Variants in PCDHGA7 observed in about 807,000 individuals in gnomAD.
PCDHGA7 encodes the protein protocadherin gamma subfamily A, 7.
A neutral mutation model predicts 58.3 loss-of-function variants in PCDHGA7; 44 were observed. The observed-to-expected ratio is 0.75, with a 90% CI of 0.59 to 0.97. PCDHGA7 has a LOEUF of 0.97. PCDHGA7 is among the 50% of genes least tolerant of loss of function. PCDHGA7 has a pLI of 0.00. For synonymous variants in PCDHGA7, 516 were observed against 504.2 expected, an observed-to-expected ratio of 1.02 and a Z score of -0.31; for missense variants, 1,266 against 1,188.7, an observed-to-expected ratio of 1.06 and a Z score of -0.96.
At position 141,490,960 on chromosome 5, in the gene PCDHGA7, T is replaced by G. The variant is rs1384140919; in HGVS notation, c.2425-3847T>G. 1.9e-6 allele frequency: 3 copies of G among 1,613,794 alleles called. No individual in the cohort carries two copies. In the Admixed American group the frequency reaches 5.0e-5, roughly 27 times the overall value. On this transcript the variant is annotated intron_variant, in intron 1 of 3. Transcript: ENST00000518325. The surrounding 1 kb of genome is among the most constrained non-coding windows in gnomAD (Gnocchi z 5.4). ...GCACCCACGGCCAGACTGGGAACAC[T>G]CAGCCCCCCAGCGTCTCCCTCGCTC...
intron 1 of PCDHGA7, chr5:141,423,833 T>G: frequency 1.8e-5 from 23 of 1,262,362 alleles, no homozygotes; most frequent in East Asian, 7.3e-5. Flanking sequence ...TTCATGAGAT[T>G]ACGATAATCT....
intron 1 of PCDHGA7, chr5:141,428,109 G>A: frequency 1.2e-6 from 2 of 1,607,850 alleles, no homozygotes; most frequent in Non-Finnish European, 1.7e-6. Context: ...CGTGCTGCAG[G>A]CCATCGAGCC....
chr5:141,413,900 AC>A, intron 1 of PCDHGA7: 1 of 1,613,126 alleles, frequency 6.2e-7, no homozygotes. Flanking sequence ...GCAAATGACA[AC>A]GCGCCGGTCT....
chr5:141,505,363 T>A, intron 2 of PCDHGA7, 30 bp from the exon 3 acceptor site: 1 of 1,613,360 alleles, frequency 6.2e-7, no homozygotes, highest in Non-Finnish European at 8.5e-7. Context: ...GGCCTGGGAG[T>A]CTGTGCTCAC....
chr5:141,410,849 C>CTTTTTTTTTGTTTTTTTT (rs2095433801), intron 1 of PCDHGA7: 1 of 129,786 alleles, frequency 7.7e-6, no homozygotes, highest in African/African-American at 6.0e-5. Context: ...TTGTCTTTGT[C>CTTTTTTTTTGTTTTTTTT]TTTTTTTTTT....
At chr5:141,467,348 C>T (rs1182432500) in intron 1 of PCDHGA7, among the ~76,000 whole-genome samples, 5 of 152,142 alleles carry the variant, frequency 3.3e-5, no homozygotes, top group African/African-American at 9.7e-5. Context: ...CCACTGCCCC[C>T]GGCCAAATCA....
intron 1 of PCDHGA7, chr5:141,387,787 A>C (rs2091094069): frequency 6.1e-6 from 9 of 1,479,268 alleles, no homozygotes; most frequent in Non-Finnish European, 1.8e-6. Context: ...CTGGAACTGC[A>C]ACTAAAGTCC....
Position 141,432,084 on chromosome 5 carries a change from TG to T in PCDHGA7, c.2424+46763del. 6.2e-7 allele frequency: 1 copy of T among 1,614,186 alleles called. No homozygotes were observed. Among genetic ancestry groups the T allele is most frequent in the Non-Finnish European group, 8.5e-7 (1 of 1,180,034 alleles). ...ACGGAAACTCATATCTCGCTGAACG[TG>T]GCAGACACCAACGACAACCCGCCGG... On this transcript the variant is annotated intron_variant, in intron 1 of 3. Transcript: ENST00000518325. The surrounding 1 kb of genome is among the most constrained non-coding windows in gnomAD (Gnocchi z 6.0).
chr5:141,497,497 C>T (rs1318882060), intron 2 of PCDHGA7, among the ~76,000 whole-genome samples: 1 of 151,714 alleles, frequency 6.6e-6, no homozygotes, highest in Non-Finnish European at 1.5e-5. Context: ...TCTCTCTCTC[C>T]TCTCTCTGCT....
At chr5:141,393,980 T>C (rs745601350) in intron 1 of PCDHGA7, 132 of 1,613,686 alleles carry the variant, frequency 8.2e-5, no homozygotes, top group Admixed American at 6.7e-5. Context: ...CACGTGATAA[T>C]TTACCTTTTA....
rs1356654620 is a variant in PCDHGA7 at position 141,490,430 on chromosome 5, TTAA to T, written c.2425-4376_2425-4374del. On this transcript the variant is annotated intron_variant, in intron 1 of 3. Coordinates refer to ENST00000518325, the MANE Select transcript of PCDHGA7 (RefSeq NM_018920.4). The surrounding 1 kb of genome is among the most constrained non-coding windows in gnomAD (Gnocchi z 5.4). ...ATCTCTCCGGACCTGCCATTTCAGA[TTAA>T]GCCTTCTGAGAACCACTACTCGCTG... 1 of 1,614,162 alleles carries T rather than the reference TTAA, an allele frequency of 6.2e-7. No individual in the cohort carries two copies.
rs1259468425 is a variant in PCDHGA7, at chr5:141,382,962, G to T, written c.63G>T (p.Gly21=). ...RGFFLLSILL[G]TPWEAWAGRI... ...TCTTCCTGCTCTCCATCCTCCTGGGGACCCCCTGGGAAGCCTGGGCAGGAC... is the reference window on the plus strand; with the variant it reads ...TCTTCCTGCTCTCCATCCTCCTGGGTACCCCCTGGGAAGCCTGGGCAGGAC... Residue 21 remains glycine, a synonymous_variant, in exon 1 of 4, where the codon GGG becomes GGT. Transcript: ENST00000518325. 1.2e-6 allele frequency: 2 copies of T among 1,607,858 alleles called. No homozygotes were observed. Among genetic ancestry groups the T allele is most frequent in the Non-Finnish European group, 1.7e-6 (2 of 1,175,752 alleles).
rs775775135 is a variant in PCDHGA7 at position 141,400,234 on chromosome 5, G to GTTGCCTTGCGCCTCC, written c.2424+14912_2424+14913insTGCCTTGCGCCTCCT. The GTTGCCTTGCGCCTCC allele has an allele frequency of 3.1e-6, 5 of 1,613,868 alleles. No homozygotes were observed. In the East Asian group the frequency reaches 1.1e-4, roughly 36 times the overall value. On this transcript the variant is annotated intron_variant, in intron 1 of 3. Transcript: ENST00000518325. ...GATCTCAGTGCTCTTCCTCCTGGCC[G>GTTGCCTTGCGCCTCC]TGATTCTGGCCGTTGCCTTGCGCCT...
chr5:141,401,350 A>G (rs1046893336), intron 1 of PCDHGA7, among the ~76,000 whole-genome samples: 2 of 152,226 alleles, frequency 1.3e-5, no homozygotes, highest in Non-Finnish European at 2.9e-5. Flanking sequence ...CTCAAAAAAA[A>G]GGAAGGAGAA....
At position 141,425,713 on chromosome 5, in the gene PCDHGA7, C is replaced by T. The variant is rs191037499; in HGVS notation, c.2424+40390C>T. 3.9e-4 allele frequency among the ~76,000 whole-genome samples: 60 copies of T among 152,312 alleles called. No homozygotes were observed. In the East Asian group the frequency reaches 6.7e-3, roughly 17 times the overall value. On this transcript the variant is annotated intron_variant, in intron 1 of 3. Transcript: ENST00000518325. ...CATTTCATAGTGGTCAAAATTTTCC[C>T]ATACCACTTGATGGGGATGTTTTCC...
At position 141,413,553 on chromosome 5, in the gene PCDHGA7, A is replaced by G; in HGVS notation, c.2424+28230A>G. On this transcript the variant is annotated intron_variant, in intron 1 of 3. Coordinates refer to ENST00000518325, the MANE Select transcript of PCDHGA7 (RefSeq NM_018920.4). ...TGAAACTTTTTGGGATAGAAATAGA[A>G]GTAACTGATATCAATGACAATGCTC... The G allele has an allele frequency of 6.2e-7, 1 of 1,613,938 alleles. No individual in the cohort carries two copies. Among genetic ancestry groups the G allele is most frequent in the Non-Finnish European group, 8.5e-7 (1 of 1,179,902 alleles).
At chr5:141,460,536 G>T (rs911670681) in intron 1 of PCDHGA7, among the ~76,000 whole-genome samples, 1 of 152,092 alleles carries the variant, frequency 6.6e-6, no homozygotes, top group African/African-American at 2.4e-5. Context: ...AATAATCTTA[G>T]CACCTTAATC....
intron 1 of PCDHGA7, among the ~76,000 whole-genome samples, chr5:141,387,526 G>C (rs186607627): frequency 2.0e-5 from 3 of 152,206 alleles, no homozygotes; most frequent in African/African-American, 7.2e-5. Context: ...ATATACAGAC[G>C]TATCCACGTA....
chr5:141,403,299 T>A (rs1247528606), intron 1 of PCDHGA7: 1 of 1,613,896 alleles, frequency 6.2e-7, no homozygotes, highest in Admixed American at 1.7e-5. Flanking sequence ...AGAGTGAAAC[T>A]GTACGGAATA....
Sources: gnomAD v4.1 joint callset for allele counts (sites outside exome capture counted in the v4.1 genomes callset) on GRCh38, gnomAD v4.1.1 for gene constraint, Gnocchi (gnomAD v3.1) non-coding constraint, MANE v1.5 for transcripts, NCBI Gene and HGNC (gene_info 2026-07-23, HGNC 2026-07-21) for gene names.